STARD9: variants seen among roughly 807,000 people sequenced by gnomAD.
STARD9 encodes stAR-related lipid transfer protein 9.
In STARD9, 346 loss-of-function variants were observed where a neutral mutation model predicts 399.8. That is an observed-to-expected ratio of 0.87 (90% CI 0.79 to 0.95). The LOEUF is 0.95. Among genes scored for constraint, STARD9 ranks in the 40% least tolerant of loss-of-function variants. The pLI, the probability that STARD9 is intolerant of heterozygous loss-of-function variation, is 0.00. For missense variants in STARD9, 5,832 were observed against 5,667.5 expected, an observed-to-expected ratio of 1.03 and a Z score of -0.93; for synonymous variants, 2,203 against 2,143.5, an observed-to-expected ratio of 1.03 and a Z score of -0.77.
chr15:42,619,133 TG>T, intron 3 of STARD9, among the ~76,000 whole-genome samples: 1 of 152,290 alleles, frequency 6.6e-6, no homozygotes, highest in East Asian at 1.9e-4. Context: ...ACTTTTTTGG[TG>T]TACATTTCCA....
chr15:42,579,391 T>C (rs2058122874), intron 1 of STARD9, among the ~76,000 whole-genome samples: 1 of 152,206 alleles, frequency 6.6e-6, no homozygotes, highest in Non-Finnish European at 1.5e-5. Flanking sequence ...GGAAGATGTT[T>C]AATTAAAAAG....
At chr15:42,607,918 T>G (rs1044929369) in intron 3 of STARD9, among the ~76,000 whole-genome samples, 2 of 152,220 alleles carry the variant, frequency 1.3e-5, no homozygotes, top group African/African-American at 4.8e-5. Flanking sequence ...CTCAAGTTCC[T>G]GATTGACTGT....
intron 3 of STARD9, among the ~76,000 whole-genome samples, chr15:42,619,976 A>G (rs1317552575): frequency 1.3e-5 from 2 of 152,096 alleles, no homozygotes; most frequent in South Asian, 4.1e-4. Context: ...CTCCAGTAGG[A>G]TTGTTTTGTT....
intron 32 of STARD9, 134 bp downstream of exon 32, chr15:42,719,044 C>G (rs1024828239): frequency 2.8e-6 from 2 of 725,012 alleles, no homozygotes; most frequent in Middle Eastern, 4.0e-4. Flanking sequence ...GACTTGAGGG[C>G]TTCCTGGGCT....
At chr15:42,661,868 T>C (rs922182686) in intron 10 of STARD9, among the ~76,000 whole-genome samples, 38 of 152,308 alleles carry the variant, frequency 2.5e-4, no homozygotes, top group African/African-American at 9.1e-4. Context: ...CAGGTGATTC[T>C]AATGTATAGG....
intron 31 of STARD9, 57 bp downstream of exon 31, chr15:42,718,571 G>A (rs1337764650): frequency 2.0e-6 from 3 of 1,505,278 alleles, no homozygotes; most frequent in African/African-American, 2.8e-5. Context: ...AGTGTCGTGA[G>A]AAACAATCTA....
At chr15:42,701,675 A>G (rs901810694) in intron 26 of STARD9, among the ~76,000 whole-genome samples, 2 of 152,246 alleles carry the variant, frequency 1.3e-5, no homozygotes, top group South Asian at 2.1e-4. Flanking sequence ...TTAAAAGTTG[A>G]GTGCATGACC....
chr15:42,635,047 C>A, intron 4 of STARD9, 75 bp downstream of exon 4: 1 of 692,704 alleles, frequency 1.4e-6, no homozygotes, highest in Non-Finnish European at 2.3e-6. Context: ...TACTGTGAGA[C>A]AGAATATGAT....
chr15:42,641,298 A>G (rs1330772363), intron 7 of STARD9, among the ~76,000 whole-genome samples: 1 of 152,222 alleles, frequency 6.6e-6, no homozygotes, highest in Non-Finnish European at 1.5e-5. Context: ...ATTCTGTGTT[A>G]CAAGTTTCTT....
At chr15:42,623,175 C>T in intron 3 of STARD9, among the ~76,000 whole-genome samples, 1 of 152,112 alleles carries the variant, frequency 6.6e-6, no homozygotes, top group Non-Finnish European at 1.5e-5. Flanking sequence ...TTGCTTGAAC[C>T]TGGGAGGCGG....
rs907900141 is a variant in STARD9 at position 42,695,125 on chromosome 15, C to T, written c.12963-15C>T. ...CCCACCCACCATGTTCTTTCCACCC[C>T]GTGATCTTCCTCAGGAGCCCAGAGT... On this transcript the variant is annotated splice_polypyrimidine_tract_variant and intron_variant, in intron 24 of 32. Coordinates refer to ENST00000290607, the MANE Select transcript of STARD9 (RefSeq NM_020759.3). 1.6e-5 allele frequency: 24 copies of T among 1,514,976 alleles called. No individual in the cohort carries two copies. Among genetic ancestry groups the T allele is most frequent in the African/African-American group, 9.6e-5 (7 of 72,714 alleles). 93.8% of individuals were successfully genotyped at this position (1,514,976 alleles called of 1,614,324 possible).
At chr15:42,582,377 T>C (rs1274646198) in intron 1 of STARD9, among the ~76,000 whole-genome samples, 3 of 152,234 alleles carry the variant, frequency 2.0e-5, no homozygotes, top group African/African-American at 7.2e-5. Context: ...ATGAGTACTT[T>C]AGCTGTGGCT....
chr15:42,583,496 T>A (rs2058214987), intron 2 of STARD9, 81 bp downstream of exon 2: 1 of 1,031,004 alleles, frequency 9.7e-7, no homozygotes, highest in Non-Finnish European at 1.4e-6. Context: ...AAGGTGTATA[T>A]GTGAATGTGT....
chr15:42,695,891 A>G lies in STARD9; in HGVS notation c.13284+11A>G. On this transcript the variant is annotated intron_variant, in intron 26 of 32. Transcript: ENST00000290607. ...TTCCCAGAGAATATGGTGAGTAGGC[A>G]GATGTTGGGAATGAGCCAGGGGCCT... 1 of 1,536,270 alleles carries G rather than the reference A, an allele frequency of 6.5e-7. No individual in the cohort carries two copies. The highest frequency in any genetic ancestry group is 8.7e-7 in the Non-Finnish European group (1 of 1,146,376).
In STARD9 at chr15:42,718,494, G is replaced by C. The variant is rs2061392723; in HGVS notation, c.13822G>C (p.Val4608Leu). 6.5e-7 allele frequency: 1 copy of C among 1,537,268 alleles called. No individual in the cohort carries two copies. The highest frequency in any genetic ancestry group is 8.7e-7 in the Non-Finnish European group (1 of 1,146,902). ...ALKQPRDFCC[V>L]CVEAKEGHLS... ...GAAGCAGCCACGGGATTTCTGTTGT[G>C]TCTGCGTGGAAGCCAAAGAGGTGCC... The change falls in exon 31 of 33, where the codon GTC becomes CTC. Residue 4608 changes from valine (V) to leucine (L), a missense_variant. By Grantham distance (32) the Val-to-Leu change is conservative. This residue lies in a region of STARD9 where 5,828 missense variants were observed against 5,651.1 expected (regional missense o/e 1.03). Transcript: ENST00000290607.
At chr15:42,613,783 G>A (rs916071647) in intron 3 of STARD9, among the ~76,000 whole-genome samples, 5 of 151,832 alleles carry the variant, frequency 3.3e-5, no homozygotes, top group African/African-American at 9.7e-5. Flanking sequence ...TGGCCAACAT[G>A]ACAAAACCCC....
intron 20 of STARD9, among the ~76,000 whole-genome samples, chr15:42,676,994 T>G (rs772317851): frequency 1.3e-5 from 2 of 150,370 alleles, no homozygotes; most frequent in Non-Finnish European, 2.9e-5. Flanking sequence ...GGCTCCTGCC[T>G]GTAATCCCAG....
chr15:42,587,259 T>C (rs933415626), intron 3 of STARD9, among the ~76,000 whole-genome samples: 7 of 152,236 alleles, frequency 4.6e-5, no homozygotes, highest in African/African-American at 1.7e-4. Context: ...TGAAGATGAT[T>C]GAATATTTCT....
At chr15:42,588,566 C>T (rs555246628) in intron 3 of STARD9, among the ~76,000 whole-genome samples, 19 of 151,940 alleles carry the variant, frequency 1.3e-4, no homozygotes, top group Non-Finnish European at 2.6e-4. Context: ...GGAGTGGAGC[C>T]AGAGGTCCCA....
Sources: allele counts gnomAD v4.1 joint callset (sites outside exome capture counted in the v4.1 genomes callset), GRCh38; gene constraint gnomAD v4.1.1; regional missense constraint gnomAD v4.1.1; transcripts MANE v1.5; gene names NCBI Gene and HGNC (gene_info 2026-07-23, HGNC 2026-07-21).